ANK2: variants seen among roughly 807,000 people sequenced by gnomAD.
The protein encoded by ANK2 is ankyrin-2.
ANK2 carries 83 observed loss-of-function variants against 360.5 expected under a neutral mutation model. The ratio of observed to expected loss-of-function variants is 0.23; its 90% CI spans 0.19 to 0.28. The LOEUF is 0.28. Ranked by LOEUF, ANK2 falls within the 10% of genes least tolerant of loss-of-function variation. ANK2 has a pLI of 1.00. For missense variants in ANK2, 4,201 were observed against 4,795.7 expected, an observed-to-expected ratio of 0.88 and a Z score of 3.66; for synonymous variants, 1,740 against 1,759.5, an observed-to-expected ratio of 0.99 and a Z score of 0.28.
chr4:113,194,174 CAAAT>C (rs2098714974), intron 2 of ANK2, among the ~76,000 whole-genome samples: 1 of 152,104 alleles, frequency 6.6e-6, no homozygotes, highest in African/African-American at 2.4e-5. Flanking sequence ...TATGGATTAA[CAAAT>C]AAATTTGTAT....
In ANK2 at chr4:113,207,111, G is replaced by GCACACA. The variant is rs112753371; in HGVS notation, c.384+8014_384+8019dup. Reference sequence around the variant, plus strand: ...TTACTACTCTACAAAGCGTGCACACGCACACACACACACACACTCCCACAT... The same window carrying GCACACA: ...TTACTACTCTACAAAGCGTGCACACGCACACACACACACACACACACACTCCCACAT... On this transcript the variant is annotated intron_variant, in intron 4 of 45. Coordinates refer to ENST00000357077, the MANE Select transcript of ANK2 (RefSeq NM_001148.6). 6.0e-3 allele frequency among the ~76,000 whole-genome samples: 906 copies of GCACACA among 150,884 alleles called. 12 individuals are homozygous for GCACACA. The highest frequency in any genetic ancestry group is 6.7e-3 in the Non-Finnish European group (456 of 67,580).
At chr4:113,267,244 CTTTAG>C (rs1471454534) in intron 14 of ANK2, among the ~76,000 whole-genome samples, 4 of 152,110 alleles carry the variant, frequency 2.6e-5, no homozygotes, top group Admixed American at 2.6e-4. Context: ...TACAGAAGCT[CTTTAG>C]TTTAATTAGA....
the ANK2 span, among the ~76,000 whole-genome samples, chr4:112,713,803 A>T: frequency 6.6e-6 from 1 of 151,058 alleles, no homozygotes; most frequent in Non-Finnish European, 1.5e-5. Flanking sequence ...GCGTGGTGGC[A>T]GGCGCCTGTA....
At chr4:113,038,846 G>A (rs1216735179) in intron 2 of ANK2, among the ~76,000 whole-genome samples, 1 of 152,062 alleles carries the variant, frequency 6.6e-6, no homozygotes, top group South Asian at 2.1e-4. Context: ...AGAGCAACAA[G>A]CACCAAGAAA....
intron 2 of ANK2, among the ~76,000 whole-genome samples, chr4:113,194,213 A>G (rs957112727): frequency 4.6e-5 from 7 of 152,210 alleles, no homozygotes; most frequent in African/African-American, 1.7e-4. Context: ...TAATAAGGTG[A>G]AAAACAGTTT....
intron 4 of ANK2, among the ~76,000 whole-genome samples, chr4:113,206,487 T>C (rs549218586): frequency 6.6e-6 from 1 of 152,186 alleles, no homozygotes; most frequent in South Asian, 2.1e-4. Flanking sequence ...TGTTTTTTTT[T>C]CCATTGGGAG....
At chr4:112,965,370 G>A (rs189756585) in intron 2 of ANK2, among the ~76,000 whole-genome samples, 1 of 151,856 alleles carries the variant, frequency 6.6e-6, no homozygotes, top group Non-Finnish European at 1.5e-5. Flanking sequence ...TTTTCCTATA[G>A]AGTTGTTTGA....
chr4:112,885,962 A>G (rs1402067051), intron 1 of ANK2, among the ~76,000 whole-genome samples: 1 of 152,126 alleles, frequency 6.6e-6, no homozygotes, highest in Non-Finnish European at 1.5e-5. Flanking sequence ...GTCTGGGAAC[A>G]GTTTTCTGCC....
chr4:113,368,591 A>G (rs1380201750), intron 42 of ANK2, among the ~76,000 whole-genome samples: 9 of 152,200 alleles, frequency 5.9e-5, no homozygotes, highest in Non-Finnish European at 1.2e-4. Flanking sequence ...TGTCCAGAAA[A>G]GAAAACAAAT....
At chr4:113,187,054 C>G (rs1001811014) in intron 2 of ANK2, among the ~76,000 whole-genome samples, 1 of 151,828 alleles carries the variant, frequency 6.6e-6, no homozygotes, top group Admixed American at 6.6e-5. Context: ...CCATTCCACA[C>G]CCCACCCCAC....
At chr4:113,183,628 G>A (rs1232859722) in intron 2 of ANK2, among the ~76,000 whole-genome samples, 1 of 152,106 alleles carries the variant, frequency 6.6e-6, no homozygotes, top group Non-Finnish European at 1.5e-5. Context: ...TTCTGGAGTT[G>A]GATGAGTAGA....
In ANK2 at chr4:113,354,041, C is replaced by G; in HGVS notation, c.5423C>G (p.Ala1808Gly). The change falls in exon 38 of 46, where the codon GCT becomes GGT. Residue 1808 changes from alanine to glycine, a missense_variant. Ala to Gly is a moderately conservative substitution (Grantham distance 60). This residue lies in a region of ANK2 where 2,642 missense variants were observed against 2,714.5 expected (regional missense o/e 0.97). Transcript: ENST00000357077. Reference protein sequence around the residue: ...PKKTTHRPHPAASPSLKSERH... With the variant: ...PKKTTHRPHPGASPSLKSERH... ...AAGACCACCCACAGGCCACATCCAG[C>G]TGCGTCACCCTCTCTGAAGTCAGAG... is the stretch of plus-strand genomic sequence containing the variant. The G allele has an allele frequency of 6.2e-7, 1 of 1,614,074 alleles. No individual in the cohort carries two copies. The highest frequency in any genetic ancestry group is 8.5e-7 in the Non-Finnish European group (1 of 1,179,996).
chr4:113,104,244 G>T (rs2154361511), intron 1 of ANK2, among the ~76,000 whole-genome samples: 1 of 152,088 alleles, frequency 6.6e-6, no homozygotes, highest in South Asian at 2.1e-4. Context: ...TTACTTTTTA[G>T]ATTTTGATGG....
upstream of ANK2, among the ~76,000 whole-genome samples, chr4:113,046,574 A>G (rs577962239): frequency 3.3e-4 from 50 of 152,166 alleles, no homozygotes; most frequent in African/African-American, 1.1e-3. Context: ...CCATGTGAGG[A>G]GAGTGTTCAA....
At chr4:112,877,013 T>C (rs976816267) in intron 1 of ANK2, among the ~76,000 whole-genome samples, 2 of 152,170 alleles carry the variant, frequency 1.3e-5, no homozygotes, top group African/African-American at 4.8e-5. Context: ...AGCAGATGAC[T>C]TTCTCCCCCT....
chr4:113,083,641 C>A (rs1221624661), intron 1 of ANK2, among the ~76,000 whole-genome samples: 1 of 152,054 alleles, frequency 6.6e-6, no homozygotes, highest in Non-Finnish European at 1.5e-5. Flanking sequence ...GCCCTCTGAG[C>A]CAATCAAAAT....
In ANK2 at chr4:113,353,361, T is replaced by C. The variant is rs1295415754; in HGVS notation, c.4743T>C (p.Ser1581=). The change falls in exon 38 of 46, where the codon TCT becomes TCC. Residue 1581 remains serine (S), a synonymous_variant. Transcript: ENST00000357077. ...CTRDESSVQS[S]RSERGLVEEE... ...GAGATGAAAGCAGTGTGCAGAGCTC[T>C]CGGTCTGAGAGAGGATTAGTTGAAG... 1.2e-6 allele frequency: 2 copies of C among 1,614,066 alleles called. No homozygotes were observed. The highest frequency in any genetic ancestry group is 4.5e-5 in the East Asian group (2 of 44,874).
intron 4 of ANK2, among the ~76,000 whole-genome samples, chr4:113,201,888 T>G (rs535208954): frequency 9.2e-5 from 14 of 152,322 alleles, no homozygotes; most frequent in African/African-American, 3.4e-4. Flanking sequence ...AAAGAAGGGT[T>G]GTATCATTAT....
rs570968565 is a variant in ANK2, at chr4:112,868,278, A to G, written c.-39-36177A>G. Among the ~76,000 whole-genome samples, 25 of 152,344 alleles carry G rather than the reference A, an allele frequency of 1.6e-4. 1 individual carries two copies. The South Asian group carries it at 5.2e-3, about 32-fold the overall frequency. On this transcript the variant is annotated intron_variant, in intron 1 of 30. Transcript: ENST00000503271. ...CACACACTGGGTATTTATAATGAAC[A>G]GAAATTTATTTGGCACATAGTTCCA...
Sources: gnomAD v4.1 joint callset for allele counts (sites outside exome capture counted in the v4.1 genomes callset) on GRCh38, gnomAD v4.1.1 for gene constraint, gnomAD v4.1.1 regional missense constraint, MANE v1.5 for transcripts, NCBI Gene and HGNC (gene_info 2026-07-23, HGNC 2026-07-21) for gene names.